The following SORCS3 variants were observed in gnomAD, a reference collection of about 807,000 sequenced individuals.
SORCS3 encodes VPS10 domain-containing receptor SorCS3.
Under a neutral mutation model 146.3 loss-of-function variants are expected in SORCS3, and 57 were observed. The observed-to-expected ratio is 0.39, with a 90% confidence interval of 0.31 to 0.49. The LOEUF (loss-of-function observed/expected upper bound fraction) is 0.49. Among genes scored for constraint, SORCS3 ranks in the 20% least tolerant of loss-of-function variants. The probability of loss-of-function intolerance (pLI) is 0.92; values close to 1 mark genes in which losing one functional copy is unlikely to be tolerated. For synonymous variants in SORCS3, 653 were observed against 618.5 expected (o/e 1.06, Z -0.83); for missense variants, 1,341 against 1,575.5 (o/e 0.85, Z 2.52).
At chr10:104,882,517 A>C (rs1451015153) in intron 2 of SORCS3, among the ~76,000 whole-genome samples, 3 of 152,168 alleles carry the variant, frequency 2.0e-5, no homozygotes, top group African/African-American at 7.2e-5. Context: ...GTGCTGGGGA[A>C]GGAGCATGGC....
chr10:105,220,966 T>C (rs1187633856), intron 19 of SORCS3, among the ~76,000 whole-genome samples: 1 of 152,160 alleles, frequency 6.6e-6, no homozygotes, highest in Non-Finnish European at 1.5e-5. Flanking sequence ...AAGTTGAAAG[T>C]GTTTGCTAAG....
At chr10:104,732,553 T>TG (rs1463800259) in intron 1 of SORCS3, among the ~76,000 whole-genome samples, 4 of 151,762 alleles carry the variant, frequency 2.6e-5, no homozygotes, top group African/African-American at 9.7e-5. Context: ...CCCAAGGGGG[T>TG]GGGGGCAGTA....
chr10:105,070,779 A>G (rs7092080), intron 5 of SORCS3, among the ~76,000 whole-genome samples: 48,758 of 152,140 alleles, frequency 0.32, 9,940 homozygotes, highest in African/African-American at 0.57. Context: ...TTGCTCATTG[A>G]AAATTAACAA....
chr10:104,828,633 A>ACATGGGGTTGC (rs1293277078), intron 1 of SORCS3, among the ~76,000 whole-genome samples: 1 of 152,208 alleles, frequency 6.6e-6, no homozygotes, highest in Non-Finnish European at 1.5e-5. Flanking sequence ...GGCTTGCTCG[A>ACATGGGGTTGC]CATGGGGTTG....
chr10:105,199,369 T>A (rs1446810549), intron 14 of SORCS3, among the ~76,000 whole-genome samples: 1 of 152,172 alleles, frequency 6.6e-6, no homozygotes, highest in African/African-American at 2.4e-5. Flanking sequence ...TATGAGTTCC[T>A]TTTATGAGTC....
chr10:105,153,620 GGAGA>G (rs71022756), intron 9 of SORCS3, among the ~76,000 whole-genome samples: 1 of 139,228 alleles, frequency 7.2e-6, no homozygotes, highest in African/African-American at 2.8e-5. Flanking sequence ...CAGAGAGAGA[GGAGA>G]GAGAGAGAGA....
At chr10:104,785,769 T>G (rs2017427907) in intron 1 of SORCS3, among the ~76,000 whole-genome samples, 1 of 152,150 alleles carries the variant, frequency 6.6e-6, no homozygotes, top group African/African-American at 2.4e-5. Flanking sequence ...GCAGTGGGGA[T>G]TGTTCTAGTT....
intron 3 of SORCS3, among the ~76,000 whole-genome samples, chr10:104,927,440 G>A (rs7087257): frequency 0.28 from 42,554 of 152,156 alleles, 7,758 homozygotes; most frequent in African/African-American, 0.52. Context: ...GTGCAACCCA[G>A]ATGAGAGGTC....
intron 14 of SORCS3, among the ~76,000 whole-genome samples, chr10:105,188,704 T>G (rs2056494206): frequency 6.6e-6 from 1 of 152,204 alleles, no homozygotes. Flanking sequence ...ATTTTAAAAA[T>G]TAATGAAAGA....
intron 1 of SORCS3, among the ~76,000 whole-genome samples, chr10:104,815,634 A>G (rs2017789120): frequency 6.6e-6 from 1 of 152,090 alleles, no homozygotes; most frequent in South Asian, 2.1e-4. Flanking sequence ...AAATGCACCC[A>G]TGTGCATTTC....
At chr10:105,258,766 C>A (rs913263810) in intron 25 of SORCS3, among the ~76,000 whole-genome samples, 44 of 152,078 alleles carry the variant, frequency 2.9e-4, no homozygotes, top group African/African-American at 1.1e-3. Flanking sequence ...AAAATTCTAC[C>A]TTTGTAGTTC....
chr10:104,918,324 A>C (rs938006461), intron 3 of SORCS3, among the ~76,000 whole-genome samples: 6 of 152,150 alleles, frequency 3.9e-5, no homozygotes, highest in Non-Finnish European at 7.3e-5. Context: ...AGCAAAAAAA[A>C]CTCACATAGC....
chr10:104,994,984 T>C (rs1440279207), intron 4 of SORCS3, among the ~76,000 whole-genome samples: 4 of 152,172 alleles, frequency 2.6e-5, no homozygotes, highest in African/African-American at 9.7e-5. Flanking sequence ...ATAGAGGTAG[T>C]TTCAAATTTT....
At chr10:105,009,005 A>G (rs546460768) in intron 4 of SORCS3, among the ~76,000 whole-genome samples, 1 of 152,340 alleles carries the variant, frequency 6.6e-6, no homozygotes, top group South Asian at 2.1e-4. Flanking sequence ...CCTAAGGAGA[A>G]CTATGAATAC....
At chr10:104,902,713 C>A (rs773054546) in intron 2 of SORCS3, among the ~76,000 whole-genome samples, 6 of 152,188 alleles carry the variant, frequency 3.9e-5, no homozygotes, top group Non-Finnish European at 8.8e-5. Context: ...GAAAGCCTGT[C>A]AAGAAACTAA....
chr10:105,041,749 G>C (rs1445891262), intron 4 of SORCS3, among the ~76,000 whole-genome samples: 1 of 152,074 alleles, frequency 6.6e-6, no homozygotes, highest in Non-Finnish European at 1.5e-5. Context: ...ATCCAACTGT[G>C]GTGTGCTGGG....
intron 1 of SORCS3, among the ~76,000 whole-genome samples, chr10:104,722,575 C>G (rs1401404658): frequency 1.3e-5 from 2 of 152,194 alleles, no homozygotes; most frequent in South Asian, 4.1e-4. Context: ...CCTTGTACCT[C>G]TGGTAGAATT....
chr10:104,703,938 C>T (rs936256061), intron 1 of SORCS3, among the ~76,000 whole-genome samples: 6 of 152,016 alleles, frequency 3.9e-5, no homozygotes, highest in Non-Finnish European at 7.4e-5. Flanking sequence ...AAAATAGCAG[C>T]GACTGTGATT....
At chr10:104,756,091 T>A (rs1450358139) in intron 1 of SORCS3, among the ~76,000 whole-genome samples, 1 of 152,194 alleles carries the variant, frequency 6.6e-6, no homozygotes. Flanking sequence ...TAAGTTATTA[T>A]GTGGCTCCTC....
Sources: allele counts gnomAD v4.1 joint callset (sites outside exome capture counted in the v4.1 genomes callset), GRCh38; gene constraint gnomAD v4.1.1; transcripts MANE v1.5; gene names NCBI Gene and HGNC (gene_info 2026-07-23, HGNC 2026-07-21).